Variants in SYBU observed in about 807,000 individuals in gnomAD.
SYBU encodes the protein GOLSYN A protein.
A neutral mutation model predicts 35.9 loss-of-function variants in SYBU; 21 were observed. That is an observed-to-expected ratio of 0.58 (90% CI 0.41 to 0.84). The LOEUF (loss-of-function observed/expected upper bound fraction) is 0.84, where lower values mean the gene tolerates loss of function less well. SYBU is among the 40% of genes least tolerant of loss of function. The pLI is 0.00. For synonymous variants in SYBU, 319 were observed against 324.3 expected (o/e 0.98, Z 0.18); for missense variants, 768 against 848.2 (o/e 0.91, Z 1.17).
rs764521935 is a variant in SYBU, at chr8:109,575,185, G to T, written c.1713C>A (p.Asn571Lys). Residue 571 changes from asparagine (N) to lysine (K), a missense_variant, in exon 7 of 7, where the codon AAC (asparagine) becomes AAA (lysine). Asn to Lys is a moderately conservative substitution (Grantham distance 94). Coordinates refer to ENST00000276646, the MANE Select transcript of SYBU (RefSeq NM_001099754.2). ...YANVDAEVHA[N>K]RLMRELDFAA... is the part of the protein sequence containing the mutation. ...CAAAATCCAGCTCTCTCATGAGGCG[G>T]TTTGCATGAACTTCTGCATCCACAT... 6.2e-7 allele frequency: 1 copy of T among 1,614,238 alleles called. No homozygotes were observed. The highest frequency in any genetic ancestry group is 8.5e-7 in the Non-Finnish European group (1 of 1,180,052).
intron 1 of SYBU, among the ~76,000 whole-genome samples, chr8:109,654,741 T>C (rs1816286433): frequency 6.6e-6 from 1 of 152,228 alleles, no homozygotes; most frequent in Non-Finnish European, 1.5e-5. Flanking sequence ...CTCTAAAAGC[T>C]GATTTTACTT....
rs1467036461 is a variant in SYBU at position 109,640,781 on chromosome 8, C to A, written c.229+1947G>T. ...GTTTTTTTTTTCAGAATCAAGCAGA[C>A]AATTTGATTAGCAAATTGTTAGCAA... On this transcript the variant is annotated intron_variant, in intron 2 of 6. Coordinates refer to ENST00000276646, the MANE Select transcript of SYBU (RefSeq NM_001099754.2). Among the ~76,000 whole-genome samples, 8 of 87,716 alleles carry A rather than the reference C, an allele frequency of 9.1e-5. No individual in the cohort carries two copies. The South Asian group carries it at 1.0e-3, about 11-fold the overall frequency. 57.5% of individuals were successfully genotyped at this position (87,716 alleles called of 152,430 possible).
intron 3 of SYBU, among the ~76,000 whole-genome samples, chr8:109,596,936 T>TA (rs1824945078): frequency 6.6e-6 from 1 of 152,234 alleles, no homozygotes; most frequent in African/African-American, 2.4e-5. Flanking sequence ...TACTTTTATT[T>TA]ACCCTTCTTC....
upstream of SYBU, chr8:109,649,089 G>A (rs534473743): frequency 3.3e-4 from 43 of 131,946 alleles, no homozygotes; most frequent in African/African-American, 9.8e-4. Context: ...TGCAACCTCC[G>A]CCTCCTGGGT....
In SYBU at chr8:109,619,004, G is replaced by A; in HGVS notation, c.265C>T (p.Pro89Ser). The A allele has an allele frequency of 4.3e-6, 7 of 1,614,058 alleles. No individual in the cohort carries two copies. The highest frequency in any genetic ancestry group is 5.1e-6 in the Non-Finnish European group (6 of 1,179,954). The stretch of plus-strand genomic sequence containing the variant: ...CCAGCATCTGAGGGTGTCTTCACAG[G>A]AGACACTGACTGGCTGCTAGGACAG... ...TGCPSSQSVS[P>S]VKTPSDAGNS... The change falls in exon 3 of 7, where the codon CCT becomes TCT. Residue 89 changes from proline (P) to serine (S), a missense_variant. Physicochemically the swap from Pro to Ser is moderately conservative, Grantham distance 74. Coordinates refer to ENST00000276646, the MANE Select transcript of SYBU (RefSeq NM_001099754.2).
At position 109,644,621 on chromosome 8, in the gene SYBU, C is replaced by T; in HGVS notation, c.24+15G>A. On this transcript the variant is annotated intron_variant, in intron 1 of 6. Transcript: ENST00000276646. The stretch of plus-strand genomic sequence containing the variant: ...TCCCCGCCCTCCAGTGCCCGCACTG[C>T]CCCGCGCTCCTTACCTTGCTCTCGC... 6 of 1,544,130 alleles carry T rather than the reference C, an allele frequency of 3.9e-6. No homozygotes were observed. Among genetic ancestry groups the T allele is most frequent in the South Asian group, 1.2e-5 (1 of 84,560 alleles).
At chr8:109,684,998 G>C (rs1414231409), upstream of SYBU, among the ~76,000 whole-genome samples, 1 of 152,188 alleles carries the variant, frequency 6.6e-6, no homozygotes, top group Non-Finnish European at 1.5e-5. Context: ...ATGATGTCAT[G>C]AAAATTACAA....
chr8:109,617,455 T>C (rs765078624), intron 3 of SYBU, among the ~76,000 whole-genome samples: 1 of 152,182 alleles, frequency 6.6e-6, no homozygotes, highest in South Asian at 2.1e-4. Flanking sequence ...TTGAACACTT[T>C]ATAGGGTGAA....
chr8:109,579,368 C>T (rs1283393232), intron 5 of SYBU, among the ~76,000 whole-genome samples: 13 of 152,200 alleles, frequency 8.5e-5, no homozygotes, highest in Admixed American at 8.5e-4. Context: ...GACACCCTCC[C>T]CACCTTTCAC....
intron 1 of SYBU, among the ~76,000 whole-genome samples, chr8:109,677,292 A>G (rs1817228090): frequency 6.6e-6 from 1 of 152,202 alleles, no homozygotes; most frequent in Non-Finnish European, 1.5e-5. Flanking sequence ...AATAATTTGA[A>G]ATGCATTCTG....
At chr8:109,612,717 C>T (rs1000972972) in intron 3 of SYBU, among the ~76,000 whole-genome samples, 8 of 135,680 alleles carry the variant, frequency 5.9e-5, no homozygotes, top group African/African-American at 2.5e-4. Context: ...CGGTGGCTCA[C>T]GCCTGTAATC....
At chr8:109,668,165 G>GGAGAGAGAGAGAGGGGAGAGAGAGA (rs1816830057) in intron 1 of SYBU, among the ~76,000 whole-genome samples, 1 of 88,990 alleles carries the variant, frequency 1.1e-5, no homozygotes, top group African/African-American at 4.9e-5. Context: ...GGGGAGAGGG[G>GGAGAGAGAGAGAGGGGAGAGAGAGA]GAGAGAGAGA....
chr8:109,641,718 C>T (rs1249632181), intron 2 of SYBU, among the ~76,000 whole-genome samples: 2 of 152,168 alleles, frequency 1.3e-5, no homozygotes, highest in African/African-American at 4.8e-5. Context: ...GTATAAAATT[C>T]AATCCAATAT....
At chr8:109,654,676 A>C (rs541487481) in intron 1 of SYBU, among the ~76,000 whole-genome samples, 2,424 of 150,980 alleles carry the variant, frequency 0.016, 65 homozygotes, top group African/African-American at 0.058. Context: ...TCTCAACTTT[A>C]TATCTCACAG....
chr8:109,605,232 TCAC>T (rs751989848), intron 3 of SYBU, among the ~76,000 whole-genome samples: 34 of 152,324 alleles, frequency 2.2e-4, no homozygotes, highest in Non-Finnish European at 1.3e-4. Context: ...ATTATTTTGT[TCAC>T]AGACTAGCAG....
intron 3 of SYBU, among the ~76,000 whole-genome samples, chr8:109,605,221 C>T (rs549368093): frequency 2.0e-5 from 3 of 152,262 alleles, no homozygotes; most frequent in African/African-American, 7.2e-5. Flanking sequence ...GAAAGTGGGG[C>T]ATTATTTTGT....
chr8:109,577,420 C>T (rs1214418070), intron 6 of SYBU, among the ~76,000 whole-genome samples: 1 of 151,672 alleles, frequency 6.6e-6, no homozygotes, highest in African/African-American at 2.4e-5. Context: ...TCCTTCGGCA[C>T]AGAAATAGCA....
At chr8:109,591,107 T>C (rs1824188813) in intron 3 of SYBU, among the ~76,000 whole-genome samples, 1 of 152,220 alleles carries the variant, frequency 6.6e-6, no homozygotes. Flanking sequence ...TCAGGTGGTA[T>C]AGCAGCAGCC....
At chr8:109,685,170 T>C (rs985892188), upstream of SYBU, among the ~76,000 whole-genome samples, 8 of 152,302 alleles carry the variant, frequency 5.3e-5, no homozygotes, top group Admixed American at 1.3e-4. Flanking sequence ...ATTGTAATAA[T>C]TGTAGTGAGC....
Sources: gnomAD v4.1 joint callset for allele counts (sites outside exome capture counted in the v4.1 genomes callset) on GRCh38, gnomAD v4.1.1 for gene constraint, MANE v1.5 for transcripts, NCBI Gene and HGNC (gene_info 2026-07-23, HGNC 2026-07-21) for gene names.